The following ADCY5 variants were observed in gnomAD, a reference collection of about 807,000 sequenced individuals.
The protein encoded by ADCY5 is adenylate cyclase 5, also known as adenylate cyclase type 5.
A neutral mutation model predicts 119.7 loss-of-function variants in ADCY5; 30 were observed. The ratio of observed to expected loss-of-function variants is 0.25; its 90% confidence interval spans 0.19 to 0.34. The LOEUF is 0.34. ADCY5 is among the 10% of genes least tolerant of loss of function. The probability of loss-of-function intolerance (pLI) is 1.00; values close to 1 mark genes in which losing one functional copy is unlikely to be tolerated. For missense variants in ADCY5, 1,324 were observed against 1,775.2 expected (o/e 0.75, Z 4.57); for synonymous variants, 753 against 762.2 (o/e 0.99, Z 0.20).
At chr3:123,407,712 T>C (rs1944935813) in intron 1 of ADCY5, among the ~76,000 whole-genome samples, 1 of 144,686 alleles carries the variant, frequency 6.9e-6, no homozygotes, top group Non-Finnish European at 1.5e-5. Context: ...TGTGAGCTAT[T>C]ATATGATCAT....
chr3:123,350,477 C>G (rs531002677), intron 2 of ADCY5, among the ~76,000 whole-genome samples: 40 of 152,286 alleles, frequency 2.6e-4, no homozygotes, highest in African/African-American at 9.1e-4. Context: ...TGGGAGAGAC[C>G]GTGCTACAAA....
chr3:123,319,697 T>C lies in ADCY5; in HGVS notation c.2233A>G (p.Arg745Gly), dbSNP rs768168155. Reference protein sequence around the residue: ...EHVRKFLLTFREPDLEKKYSK... With the variant: ...EHVRKFLLTFGEPDLEKKYSK... ...ACCTTCTTCTCTAAGTCAGGCTCCCTGAAGGTCAGGAGGAACTTGCGGACG... is the reference window on the plus strand; with the variant it reads ...ACCTTCTTCTCTAAGTCAGGCTCCCCGAAGGTCAGGAGGAACTTGCGGACG... The change falls in exon 10 of 21, where the codon AGG (arginine) becomes GGG (glycine). Residue 745 changes from arginine (R) to glycine (G), a missense_variant. Arg to Gly is a moderately radical substitution (Grantham distance 125). Coordinates refer to ENST00000462833, the MANE Select transcript of ADCY5 (RefSeq NM_183357.3). 12 of 1,614,218 alleles carry C rather than the reference T, an allele frequency of 7.4e-6. No homozygotes were observed. The highest frequency in any genetic ancestry group is 9.3e-6 in the Non-Finnish European group (11 of 1,180,038).
In ADCY5 at chr3:123,447,472, G is replaced by A. The variant is rs1945840748; in HGVS notation, c.1074C>T (p.Ser358=). Residue 358 remains serine (S), a synonymous_variant, in exon 1 of 21, where the codon TCC becomes TCT. Coordinates refer to ENST00000462833, the MANE Select transcript of ADCY5 (RefSeq NM_183357.3). ...GCAGGGCGATGGCCAGGTGGAGGGC[G>A]GACAGGAGCACCCCGCTGAGCACTG... ...RAAVLSGVLL[S]ALHLAIALRT... 1.9e-6 allele frequency: 3 copies of A among 1,610,804 alleles called. No homozygotes were observed. Among genetic ancestry groups the A allele is most frequent in the South Asian group, 1.1e-5 (1 of 90,590 alleles).
At chr3:123,295,028 A>G (rs1472360912) in intron 17 of ADCY5, among the ~76,000 whole-genome samples, 1 of 152,202 alleles carries the variant, frequency 6.6e-6, no homozygotes, top group Non-Finnish European at 1.5e-5. Context: ...CATTCTGCAC[A>G]GAACCCTTCT....
At chr3:123,360,234 G>A (rs77253612) in intron 1 of ADCY5, among the ~76,000 whole-genome samples, 4,234 of 152,100 alleles carry the variant, frequency 0.028, 166 homozygotes, top group African/African-American at 0.093. Context: ...TTTCAAGGAG[G>A]TGGCCAGCTC....
rs1201093858 is a variant in ADCY5 at position 123,409,358 on chromosome 3, C to T, written c.1134+38054G>A. On this transcript the variant is annotated intron_variant, in intron 1 of 20. Transcript: ENST00000462833. Reference sequence around the variant, plus strand: ...ACTCCAGGTGTGTACAGTCGCAGGCCATGAAACCAGGTAGCATGTGGGGAA... The same window carrying T: ...ACTCCAGGTGTGTACAGTCGCAGGCTATGAAACCAGGTAGCATGTGGGGAA... 5.9e-5 allele frequency among the ~76,000 whole-genome samples: 9 copies of T among 152,284 alleles called. No individual in the cohort carries two copies. In the East Asian group the frequency reaches 1.4e-3, roughly 23 times the overall value.
At chr3:123,437,751 C>T (rs1945644966) in intron 1 of ADCY5, among the ~76,000 whole-genome samples, 1 of 152,094 alleles carries the variant, frequency 6.6e-6, no homozygotes, top group Non-Finnish European at 1.5e-5. Context: ...GACACTACTT[C>T]CCCATGGGCA....
intron 1 of ADCY5, chr3:123,368,194 G>T: frequency 1.7e-6 from 1 of 595,078 alleles, no homozygotes; most frequent in Non-Finnish European, 2.7e-6. Flanking sequence ...AATGACGCCT[G>T]CGAATAAGAC....
At chr3:123,419,866 C>T (rs1336621319) in intron 1 of ADCY5, among the ~76,000 whole-genome samples, 1 of 152,150 alleles carries the variant, frequency 6.6e-6, no homozygotes, top group Non-Finnish European at 1.5e-5. Flanking sequence ...CGACTCTCAC[C>T]TTGCACTTCC....
At chr3:123,372,508 C>T (rs1348237707) in intron 1 of ADCY5, among the ~76,000 whole-genome samples, 1 of 152,186 alleles carries the variant, frequency 6.6e-6, no homozygotes, top group Non-Finnish European at 1.5e-5. Flanking sequence ...GGAAAAAGCC[C>T]CGAGTCCTCA....
In ADCY5 at chr3:123,358,075, G is replaced by A. The variant is rs140821583; in HGVS notation, c.1135-5494C>T. 8.3e-3 allele frequency among the ~76,000 whole-genome samples: 1,261 copies of A among 152,190 alleles called. 8 individuals are homozygous for A. The highest frequency in any genetic ancestry group is 0.014 in the Non-Finnish European group (976 of 68,022). On this transcript the variant is annotated intron_variant, in intron 1 of 20. Transcript: ENST00000462833. ...CAGTCACTCTTGAGGCTTCACAACA[G>A]CAGGTAAACAGGGCCTAATTAAGGG...
At position 123,295,826 on chromosome 3, in the gene ADCY5, C is replaced by T. The variant is rs79487753; in HGVS notation, c.3063+258G>A. Among the ~76,000 whole-genome samples, 2,541 of 152,340 alleles carry T rather than the reference C, an allele frequency of 0.017. 67 individuals carry two copies. Among genetic ancestry groups the T allele is most frequent in the African/African-American group, 0.054 (2,250 of 41,566 alleles). ...CTGACTTCAAAGCATGCCTCCTGGA[C>T]CCGTCAGAGTCCCAGCACTGTCAGC... is the stretch of plus-strand genomic sequence containing the variant. On this transcript the variant is annotated intron_variant, in intron 17 of 20. Coordinates refer to ENST00000462833, the MANE Select transcript of ADCY5 (RefSeq NM_183357.3).
intron 1 of ADCY5, among the ~76,000 whole-genome samples, chr3:123,353,764 T>C (rs1942935395): frequency 6.6e-6 from 1 of 152,200 alleles, no homozygotes; most frequent in Admixed American, 6.5e-5. Context: ...CGCTCTTCTC[T>C]AGGGGCCTCT....
At chr3:123,400,655 A>G (rs1944723367) in intron 1 of ADCY5, among the ~76,000 whole-genome samples, 1 of 152,212 alleles carries the variant, frequency 6.6e-6, no homozygotes, top group Non-Finnish European at 1.5e-5. Flanking sequence ...GATATTAAAA[A>G]GCTGATATGG....
chr3:123,374,961 A>C (rs78270893), intron 1 of ADCY5, among the ~76,000 whole-genome samples: 11 of 152,170 alleles, frequency 7.2e-5, no homozygotes, highest in Non-Finnish European at 1.2e-4. Context: ...ATCAATGGGC[A>C]CTCATATCTC....
At chr3:123,325,283 G>C in intron 8 of ADCY5, 39 bp downstream of exon 8, 1 of 1,611,604 alleles carries the variant, frequency 6.2e-7, no homozygotes, top group Non-Finnish European at 8.5e-7. Flanking sequence ...CCCTAGCCTT[G>C]GAGAGTGTTG....
At chr3:123,388,608 G>A (rs1944305784) in intron 1 of ADCY5, among the ~76,000 whole-genome samples, 1 of 152,124 alleles carries the variant, frequency 6.6e-6, no homozygotes, top group South Asian at 2.1e-4. Context: ...AAAATGAGCT[G>A]GAAGAAAAGA....
At chr3:123,419,876 C>T (rs1945265631) in intron 1 of ADCY5, among the ~76,000 whole-genome samples, 1 of 152,078 alleles carries the variant, frequency 6.6e-6, no homozygotes, top group Admixed American at 6.6e-5. Flanking sequence ...CTTGCACTTC[C>T]CCCGTGCTCA....
intron 1 of ADCY5, among the ~76,000 whole-genome samples, chr3:123,434,095 G>T (rs9847700): frequency 0.1 from 15,443 of 152,272 alleles, 1,065 homozygotes; most frequent in Non-Finnish European, 0.15. Flanking sequence ...GAGCAGCTGG[G>T]CCCTCCACAC....
Sources: gnomAD v4.1 joint callset for allele counts (sites outside exome capture counted in the v4.1 genomes callset) on GRCh38, gnomAD v4.1.1 for gene constraint, MANE v1.5 for transcripts, NCBI Gene and HGNC (gene_info 2026-07-23, HGNC 2026-07-21) for gene names.